ZNF469: variants seen among roughly 807,000 people sequenced by gnomAD.
ZNF469 encodes the protein zinc finger protein 469.
Under a neutral mutation model 1.0 loss-of-function variants are expected in ZNF469, and 1 was observed. That is an observed-to-expected ratio of 1.00 (90% CI 0.35 to 4.73). The LOEUF (loss-of-function observed/expected upper bound fraction) is 4.73. Ranked by LOEUF, ZNF469 falls within the 30% of genes most tolerant of loss-of-function variation. The pLI is 0.16. For synonymous variants in ZNF469, 2,703 were observed against 2,363.4 expected (o/e 1.14, Z -4.17); for missense variants, 6,100 against 5,356.3 (o/e 1.14, Z -4.33).
chr16:88,375,703 G>A, the ZNF469 span, among the ~76,000 whole-genome samples: 8 of 152,382 alleles, frequency 5.2e-5, no homozygotes, highest in East Asian at 9.6e-4. Flanking sequence ...GAGGCGCACT[G>A]TCCTCTGGCA....
At chr16:88,204,153 GC>G in the ZNF469 span, among the ~76,000 whole-genome samples, 2 of 151,164 alleles carry the variant, frequency 1.3e-5, no homozygotes, top group Non-Finnish European at 2.9e-5. Context: ...CCATAGAGCA[GC>G]CGGAGGCGCC....
At chr16:88,283,720 C>G in the ZNF469 span, among the ~76,000 whole-genome samples, 39 of 152,326 alleles carry the variant, frequency 2.6e-4, no homozygotes, top group Admixed American at 9.1e-4. Flanking sequence ...GGATGGCCCA[C>G]CAAGGTAGCT....
At chr16:88,256,895 C>CTTTCTCTCTCTCTCTCTCTCTCT in the ZNF469 span, among the ~76,000 whole-genome samples, 1 of 51,430 alleles carries the variant, frequency 1.9e-5, no homozygotes, top group African/African-American at 6.9e-5. Context: ...CTTTTCTTTC[C>CTTTCTCTCTCTCTCTCTCTCTCT]TTCTTTCTTT....
chr16:88,295,004 T>A, the ZNF469 span, among the ~76,000 whole-genome samples: 1 of 149,168 alleles, frequency 6.7e-6, no homozygotes, highest in Non-Finnish European at 1.5e-5. Context: ...CCCCAGGACG[T>A]GGCAGGGCTC....
At chr16:88,136,388 T>C in the ZNF469 span, among the ~76,000 whole-genome samples, 18 of 152,248 alleles carry the variant, frequency 1.2e-4, no homozygotes. Flanking sequence ...GGCATGCAGC[T>C]GTCCTGAGCT....
chr16:88,422,261 GGGT>G (rs1905487845), intron 1 of ZNF469, among the ~76,000 whole-genome samples: 1 of 146,860 alleles, frequency 6.8e-6, no homozygotes, highest in African/African-American at 2.5e-5. Flanking sequence ...ATGGATGGAT[GGGT>G]GGATGGATAG....
the ZNF469 span, among the ~76,000 whole-genome samples, chr16:88,280,034 G>A: frequency 1.7e-4 from 25 of 148,702 alleles, no homozygotes; most frequent in African/African-American, 3.0e-4. Flanking sequence ...AGTCAGTACC[G>A]TGTAGATATC....
the ZNF469 span, among the ~76,000 whole-genome samples, chr16:88,121,295 A>G: frequency 7.6e-3 from 1,157 of 151,818 alleles, 22 homozygotes; most frequent in Admixed American, 0.034. Flanking sequence ...TCCTTGTCCA[A>G]ACCCTCCGAG....
chr16:88,418,549 C>G (rs1052164728), intron 1 of ZNF469, among the ~76,000 whole-genome samples: 1 of 152,004 alleles, frequency 6.6e-6, no homozygotes, highest in African/African-American at 2.4e-5. Flanking sequence ...CCCCACCGCC[C>G]CCCCGGCCAC....
chr16:88,113,442 G>A, the ZNF469 span, among the ~76,000 whole-genome samples: 1 of 152,188 alleles, frequency 6.6e-6, no homozygotes, highest in South Asian at 2.1e-4. Flanking sequence ...CTTCCAGCTG[G>A]TGAGTTGCCA....
the ZNF469 span, among the ~76,000 whole-genome samples, chr16:88,231,928 G>A: frequency 2.9e-3 from 437 of 152,308 alleles, 7 homozygotes; most frequent in South Asian, 0.041. The surrounding 1 kb of genome is among the most constrained non-coding windows in gnomAD (Gnocchi z 4.5). Context: ...CCCGTGATGG[G>A]CTTTTTGGGG....
At chr16:88,381,266 A>G, upstream of ZNF469, among the ~76,000 whole-genome samples, 1 of 150,494 alleles carries the variant, frequency 6.6e-6, no homozygotes. Context: ...ACGCACTCAC[A>G]CAGACATGCA....
intron 1 of ZNF469, among the ~76,000 whole-genome samples, chr16:88,412,120 A>G (rs1905188093): frequency 6.6e-6 from 1 of 152,096 alleles, no homozygotes; most frequent in African/African-American, 2.4e-5. Context: ...AGGGGCCAGC[A>G]TAGAGCCCCA....
At chr16:88,278,871 CGCCG>C in the ZNF469 span, among the ~76,000 whole-genome samples, 1 of 142,056 alleles carries the variant, frequency 7.0e-6, no homozygotes, top group South Asian at 2.3e-4. Context: ...TGCTGTGCCA[CGCCG>C]ACACTCGGTC....
the ZNF469 span, among the ~76,000 whole-genome samples, chr16:88,240,370 GGCA>G: frequency 6.6e-6 from 1 of 152,174 alleles, no homozygotes; most frequent in African/African-American, 2.4e-5. Flanking sequence ...GAATGAGAGA[GGCA>G]GAGAAAGAGC....
intron 1 of ZNF469, among the ~76,000 whole-genome samples, chr16:88,393,860 G>A (rs551777722): frequency 6.6e-6 from 1 of 152,362 alleles, no homozygotes; most frequent in African/African-American, 2.4e-5. Context: ...GCAGCTTTGA[G>A]GGCATGTGTC....
At chr16:88,286,172 G>A in the ZNF469 span, among the ~76,000 whole-genome samples, 4 of 152,222 alleles carry the variant, frequency 2.6e-5, no homozygotes, top group Non-Finnish European at 5.9e-5. Flanking sequence ...GCCTGGGACG[G>A]ATGAGTTTCT....
chr16:88,306,330 A>T, the ZNF469 span, among the ~76,000 whole-genome samples: 2 of 152,230 alleles, frequency 1.3e-5, no homozygotes, highest in Non-Finnish European at 1.5e-5. Flanking sequence ...GAGCTGAGGG[A>T]CGTGCCCTGC....
In ZNF469 at chr16:88,433,358, A is replaced by T. The variant is rs1248326391; in HGVS notation, c.5888A>T (p.Gln1963Leu). ...GPAQGSPGGV[Q>L]VTTLPAVAGH... Reference sequence around the variant, plus strand: ...GCCCAGGGCTCCCCAGGGGGTGTGCAGGTGACAACTCTCCCTGCAGTGGCC... The same window carrying T: ...GCCCAGGGCTCCCCAGGGGGTGTGCTGGTGACAACTCTCCCTGCAGTGGCC... Residue 1963 changes from glutamine (Q) to leucine (L), a missense_variant, in exon 3 of 3, where the codon CAG (glutamine) becomes CTG (leucine). Transcript: ENST00000565624. The T allele has an allele frequency of 1.3e-6, 2 of 1,550,248 alleles. No individual in the cohort carries two copies. Among genetic ancestry groups the T allele is most frequent in the Admixed American group, 3.9e-5 (2 of 51,006 alleles).
Sources: gnomAD v4.1 joint callset for allele counts (sites outside exome capture counted in the v4.1 genomes callset) on GRCh38, gnomAD v4.1.1 for gene constraint, Gnocchi (gnomAD v3.1) non-coding constraint, MANE v1.5 for transcripts, NCBI Gene and HGNC (gene_info 2026-07-23, HGNC 2026-07-21) for gene names.